Variants in SYNE1 observed in about 807,000 individuals in gnomAD.
SYNE1 encodes the protein nesprin-1.
Under a neutral mutation model 1,111.0 loss-of-function variants are expected in SYNE1, and 616 were observed. That is an observed-to-expected ratio of 0.55 (90% CI 0.52 to 0.59). The LOEUF is 0.59. SYNE1 is among the 20% of genes least tolerant of loss of function. SYNE1 has a pLI of 0.00. For synonymous variants in SYNE1, 3,855 were observed against 3,825.8 expected, an observed-to-expected ratio of 1.01 and a Z score of -0.28; for missense variants, 10,006 against 10,417.0, an observed-to-expected ratio of 0.96 and a Z score of 1.72.
intron 116 of SYNE1, 68 bp downstream of exon 116, chr6:152,225,653 C>T (rs1998621): frequency 6.2e-7 from 1 of 1,605,278 alleles, no homozygotes; most frequent in South Asian, 1.1e-5. Flanking sequence ...TTAGGAAAAC[C>T]AAAACCCAGA....
At chr6:152,247,730 TA>T (rs2087661798) in intron 105 of SYNE1, among the ~76,000 whole-genome samples, 5 of 81,180 alleles carry the variant, frequency 6.2e-5, no homozygotes, top group East Asian at 4.8e-4. Context: ...TTTTTTATTA[TA>T]TATATATATA....
intron 3 of SYNE1, among the ~76,000 whole-genome samples, chr6:152,548,238 C>A (rs976013590): frequency 4.6e-5 from 7 of 152,174 alleles, no homozygotes; most frequent in African/African-American, 1.7e-4. Context: ...GGGACAGCAC[C>A]ACTCCAAATG....
chr6:152,231,321 C>T, intron 114 of SYNE1, 70 bp downstream of exon 114: 2 of 1,562,854 alleles, frequency 1.3e-6, no homozygotes, highest in Non-Finnish European at 1.8e-6. Flanking sequence ...TGAACCCAGT[C>T]TTCCTTACAG....
intron 95 of SYNE1, among the ~76,000 whole-genome samples, chr6:152,286,125 A>G (rs1457337887): frequency 6.6e-6 from 1 of 152,194 alleles, no homozygotes; most frequent in Non-Finnish European, 1.5e-5. Flanking sequence ...CTAATATCAA[A>G]TATCATCATG....
intron 16 of SYNE1, among the ~76,000 whole-genome samples, 187 bp from the exon 17 acceptor site, chr6:152,466,265 C>A (rs919486782): frequency 6.6e-6 from 1 of 152,154 alleles, no homozygotes; most frequent in African/African-American, 2.4e-5. Flanking sequence ...TAAATTGATT[C>A]CACGCTTTTG....
chr6:152,532,670 C>T (rs1475402425), intron 4 of SYNE1, among the ~76,000 whole-genome samples: 1 of 152,162 alleles, frequency 6.6e-6, no homozygotes, highest in African/African-American at 2.4e-5. Flanking sequence ...GGTTGACTCT[C>T]CATGTGCATT....
At chr6:152,188,971 AAAAAAAAAAAAAAATATATATATATAT>A (rs1245131042) in intron 128 of SYNE1, among the ~76,000 whole-genome samples, 3 of 58,988 alleles carry the variant, frequency 5.1e-5, no homozygotes, top group African/African-American at 8.1e-5. Context: ...AAAAAAAAAA[AAAAAAAAAAAAAAATATATATATATAT>A]ATATATATAT....
At chr6:152,269,312 G>C in intron 98 of SYNE1, 26 bp from the exon 99 acceptor site, 2 of 1,613,824 alleles carry the variant, frequency 1.2e-6, no homozygotes, top group Non-Finnish European at 8.5e-7. Flanking sequence ...CAGAAATCAA[G>C]TCATGCTACA....
chr6:152,286,972 A>G (rs1454055050), intron 95 of SYNE1, among the ~76,000 whole-genome samples: 1 of 152,272 alleles, frequency 6.6e-6, no homozygotes, highest in East Asian at 1.9e-4. Context: ...CGTGGTCCAC[A>G]GAATAATAAC....
At chr6:152,294,213 A>G in intron 93 of SYNE1, 86 bp from the exon 94 acceptor site, 1 of 1,390,266 alleles carries the variant, frequency 7.2e-7, no homozygotes, top group Non-Finnish European at 9.7e-7. Context: ...CATGTCAAGG[A>G]AAGGTTTCAG....
chr6:152,300,823 A>G (rs779663619), intron 92 of SYNE1, 42 bp from the exon 93 acceptor site: 1 of 1,614,086 alleles, frequency 6.2e-7, no homozygotes, highest in Non-Finnish European at 8.5e-7. Flanking sequence ...AAAATCAATT[A>G]GCTATGTTAA....
intron 127 of SYNE1, among the ~76,000 whole-genome samples, chr6:152,194,278 T>C (rs1043248581): frequency 2.6e-5 from 4 of 152,202 alleles, no homozygotes; most frequent in African/African-American, 9.7e-5. Flanking sequence ...CTGGTTATAC[T>C]ATTCTAGGGT....
At chr6:152,473,789 A>T (rs2098820055) in intron 14 of SYNE1, among the ~76,000 whole-genome samples, 1 of 152,202 alleles carries the variant, frequency 6.6e-6, no homozygotes. Flanking sequence ...ACTTGGAGTT[A>T]TCACCCCAGC....
At chr6:152,441,942 T>C in intron 31 of SYNE1, 133 bp downstream of exon 31, 1 of 1,082,270 alleles carries the variant, frequency 9.2e-7, no homozygotes. Flanking sequence ...AAAAGATGGT[T>C]CATGTACAGA....
At chr6:152,339,462 T>C (rs921896724) in intron 74 of SYNE1, 96 bp from the exon 75 acceptor site, 3 of 1,528,280 alleles carry the variant, frequency 2.0e-6, no homozygotes, top group Non-Finnish European at 2.7e-6. Context: ...ATTTCAAAAA[T>C]AGTCTTGCTA....
At position 152,416,933 on chromosome 6, in the gene SYNE1, C is replaced by T. The variant is rs745746538; in HGVS notation, c.5504G>A (p.Arg1835His). 2.5e-6 allele frequency: 4 copies of T among 1,614,074 alleles called. No individual in the cohort carries two copies. The highest frequency in any genetic ancestry group is 2.5e-6 in the Non-Finnish European group (3 of 1,179,976). Residue 1835 changes from arginine to histidine, a missense_variant, in exon 41 of 146, where the codon CGT becomes CAT. Physicochemically the swap from Arg to His is conservative, Grantham distance 29 (BLOSUM62 0). Transcript: ENST00000367255. ...CTGCAGGAGGTGGAGGTCCTCAGCA[C>T]GGCCCAGAGAACCCAACTTTGCTAA... ...GHLAKLGSLG[R>H]AEDLHLLQGK...
chr6:152,514,682 G>A (rs1169345764), intron 6 of SYNE1, among the ~76,000 whole-genome samples: 4 of 149,436 alleles, frequency 2.7e-5, no homozygotes, highest in African/African-American at 9.9e-5. Flanking sequence ...ATGAAGAGAC[G>A]CCAAAGATTG....
chr6:152,410,084 C>T (rs2097995592), intron 42 of SYNE1, among the ~76,000 whole-genome samples: 1 of 152,090 alleles, frequency 6.6e-6, no homozygotes, highest in Non-Finnish European at 1.5e-5. Flanking sequence ...TTCATAATGG[C>T]ATATGTTGTG....
chr6:152,417,895 C>A (rs2098188524), intron 40 of SYNE1, among the ~76,000 whole-genome samples: 1 of 152,026 alleles, frequency 6.6e-6, no homozygotes, highest in Non-Finnish European at 1.5e-5. Context: ...ATGAAGAAAT[C>A]TTTTTCCATT....
Sources: allele counts gnomAD v4.1 joint callset (sites outside exome capture counted in the v4.1 genomes callset), GRCh38; gene constraint gnomAD v4.1.1; transcripts MANE v1.5; gene names NCBI Gene and HGNC (gene_info 2026-07-23, HGNC 2026-07-21).